Variants in TENM2 observed in about 807,000 individuals in gnomAD.
TENM2 encodes teneurin transmembrane protein 2.
A neutral mutation model predicts 245.2 loss-of-function variants in TENM2; 52 were observed. That is an observed-to-expected ratio of 0.21 (90% CI 0.17 to 0.27). TENM2 has a LOEUF of 0.27. Among genes scored for constraint, TENM2 ranks in the 10% least tolerant of loss-of-function variants. TENM2 has a pLI of 1.00. For missense variants in TENM2, 3,046 were observed against 3,666.8 expected, an observed-to-expected ratio of 0.83 and a Z score of 4.37; for synonymous variants, 1,363 against 1,438.9, an observed-to-expected ratio of 0.95 and a Z score of 1.19.
At chr5:167,509,733 G>T (rs575824664) in intron 2 of TENM2, among the ~76,000 whole-genome samples, 38 of 152,264 alleles carry the variant, frequency 2.5e-4, no homozygotes, top group Admixed American at 7.2e-4. Context: ...CATTTCAGAG[G>T]CATTGCCTCA....
intron 2 of TENM2, among the ~76,000 whole-genome samples, chr5:167,413,964 G>A (rs949433640): frequency 1.2e-4 from 18 of 152,218 alleles, no homozygotes; most frequent in Non-Finnish European, 2.4e-4. Flanking sequence ...ATTGATGAAA[G>A]GAAAATTATT....
rs548044255 is a variant in TENM2, at chr5:167,969,673, C to A, written c.947+16851C>A. On this transcript the variant is annotated intron_variant, in intron 4 of 28. Transcript: ENST00000518659. Reference sequence around the variant, plus strand: ...AGCCTTGCACTTCTTTACTTTCTACCATCGCTGTTATGTAGGCCTCCTCTT... The same window carrying A: ...AGCCTTGCACTTCTTTACTTTCTACAATCGCTGTTATGTAGGCCTCCTCTT... Among the ~76,000 whole-genome samples the A allele has an allele frequency of 3.3e-5, 5 of 152,298 alleles. No homozygotes were observed. In the East Asian group the frequency reaches 9.6e-4, roughly 29 times the overall value.
At position 167,489,969 on chromosome 5, in the gene TENM2, A is replaced by C. The variant is rs1768325320; in HGVS notation, c.502+114496A>C. ...GATATGTACATAACTTCAATTATTA[A>C]CTAATATAAAGACTACTACCTACAT... On this transcript the variant is annotated intron_variant, in intron 2 of 28. Transcript: ENST00000518659. 2.0e-5 allele frequency among the ~76,000 whole-genome samples: 3 copies of C among 152,286 alleles called. No individual in the cohort carries two copies. In the Middle Eastern group the frequency reaches 0.01, roughly 518 times the overall value.
At chr5:167,602,686 C>T (rs1776724740) in intron 2 of TENM2, among the ~76,000 whole-genome samples, 1 of 152,086 alleles carries the variant, frequency 6.6e-6, no homozygotes, top group African/African-American at 2.4e-5. Flanking sequence ...ATAGATGATG[C>T]CTTGGTTTTT....
intron 12 of TENM2, among the ~76,000 whole-genome samples, chr5:168,153,987 A>G (rs2152429972): frequency 6.6e-6 from 1 of 152,000 alleles, no homozygotes; most frequent in Admixed American, 6.6e-5. Context: ...TAAAGCAGGC[A>G]CCCCCAGGAA....
intron 5 of TENM2, among the ~76,000 whole-genome samples, chr5:168,016,781 A>G (rs1413892596): frequency 1.3e-5 from 2 of 151,978 alleles, no homozygotes; most frequent in African/African-American, 4.8e-5. Flanking sequence ...TGACTGCATG[A>G]CTCTGAGCAA....
chr5:167,430,071 A>G (rs1376362923), intron 2 of TENM2, among the ~76,000 whole-genome samples: 1 of 152,104 alleles, frequency 6.6e-6, no homozygotes, highest in Non-Finnish European at 1.5e-5. Flanking sequence ...TGGTGGGGAG[A>G]GTACAGGGGC....
At chr5:167,394,622 C>A (rs1326462983) in intron 2 of TENM2, among the ~76,000 whole-genome samples, 1 of 152,076 alleles carries the variant, frequency 6.6e-6, no homozygotes, top group African/African-American at 2.4e-5. Context: ...GAGACAGAGT[C>A]TCACTCTGTC....
intron 12 of TENM2, among the ~76,000 whole-genome samples, chr5:168,152,892 G>A (rs751620976): frequency 1.3e-5 from 2 of 152,128 alleles, no homozygotes; most frequent in Admixed American, 6.5e-5. Context: ...GGTTTTGAAC[G>A]CTGGGCTGCA....
At chr5:167,619,066 G>T (rs1258686131) in intron 2 of TENM2, among the ~76,000 whole-genome samples, 1 of 152,046 alleles carries the variant, frequency 6.6e-6, no homozygotes, top group Non-Finnish European at 1.5e-5. Context: ...ACATAGCCAC[G>T]TGGAAACACT....
the TENM2 span, among the ~76,000 whole-genome samples, chr5:167,234,377 T>G: frequency 6.6e-6 from 1 of 152,214 alleles, no homozygotes; most frequent in Non-Finnish European, 1.5e-5. Flanking sequence ...AATGTGTCCT[T>G]GAGGCTGAGA....
the TENM2 span, among the ~76,000 whole-genome samples, chr5:167,232,499 T>C: frequency 4.6e-5 from 7 of 151,788 alleles, no homozygotes; most frequent in African/African-American, 1.7e-4. Context: ...CAGCCTCCCG[T>C]GTAGCTGGGA....
At chr5:167,045,903 T>C in the TENM2 span, among the ~76,000 whole-genome samples, 1 of 152,182 alleles carries the variant, frequency 6.6e-6, no homozygotes, top group Non-Finnish European at 1.5e-5. Flanking sequence ...CATTTGTACC[T>C]GAGGAGAATT....
chr5:168,028,459 T>C (rs777641018), intron 5 of TENM2, among the ~76,000 whole-genome samples: 92 of 152,104 alleles, frequency 6.0e-4, no homozygotes, highest in Non-Finnish European at 1.2e-3. Flanking sequence ...GGCAGTGCTT[T>C]TCTCCCCAAA....
chr5:167,178,096 T>A, the TENM2 span, among the ~76,000 whole-genome samples: 27 of 152,300 alleles, frequency 1.8e-4, no homozygotes, highest in South Asian at 6.2e-4. Flanking sequence ...ATTTAACATA[T>A]TATTCCCTAA....
At chr5:167,677,133 C>A (rs1394180686) in intron 2 of TENM2, among the ~76,000 whole-genome samples, 2 of 152,054 alleles carry the variant, frequency 1.3e-5, no homozygotes, top group Admixed American at 6.6e-5. Flanking sequence ...TAACAGCGAA[C>A]CCTTGTTTAA....
At chr5:167,140,417 A>G in the TENM2 span, among the ~76,000 whole-genome samples, 2 of 152,162 alleles carry the variant, frequency 1.3e-5, no homozygotes, top group African/African-American at 2.4e-5. Flanking sequence ...CTCATTAACC[A>G]TCCTGAATAT....
intron 2 of TENM2, among the ~76,000 whole-genome samples, chr5:167,428,719 G>GA (rs924305926): frequency 2.6e-5 from 4 of 151,856 alleles, no homozygotes; most frequent in South Asian, 2.1e-4. Flanking sequence ...TCTGAACAAT[G>GA]AAAAAAAAGA....
intron 27 of TENM2, among the ~76,000 whole-genome samples, chr5:168,250,847 G>GT (rs989715877): frequency 5.3e-5 from 8 of 152,258 alleles, no homozygotes; most frequent in African/African-American, 1.9e-4. Flanking sequence ...ATTAAAATAA[G>GT]TCTCAAGAAA....
Sources: allele counts gnomAD v4.1 joint callset (sites outside exome capture counted in the v4.1 genomes callset), GRCh38; gene constraint gnomAD v4.1.1; transcripts MANE v1.5; gene names NCBI Gene and HGNC (gene_info 2026-07-23, HGNC 2026-07-21).